The following RASAL3 variants were observed in gnomAD, a reference collection of about 807,000 sequenced individuals.
The protein encoded by RASAL3 is RAS protein activator like-3.
A neutral mutation model predicts 105.5 loss-of-function variants in RASAL3; 74 were observed. The observed-to-expected ratio is 0.70, with a 90% CI of 0.58 to 0.85. The LOEUF is 0.85. RASAL3 is among the 40% of genes least tolerant of loss of function. The pLI is 0.00. For missense variants in RASAL3, 1,352 were observed against 1,392.0 expected (o/e 0.97, Z 0.46); for synonymous variants, 579 against 591.6 (o/e 0.98, Z 0.31).
rs895937097 is a variant in RASAL3 at position 15,456,883 on chromosome 19, C to G, written c.1432-237G>C. ...GGCCCCGCCCCTCACGCGTGATGCT[C>G]AGGCCCCTGTCGCAGCTGAAGCTTA... On this transcript the variant is annotated intron_variant, in intron 9 of 17. Transcript: ENST00000343625. The surrounding 1 kb of genome is among the most constrained non-coding windows in gnomAD (Gnocchi z 4.4). 2 of 581,016 alleles carry G rather than the reference C, an allele frequency of 3.4e-6. No homozygotes were observed. The highest frequency in any genetic ancestry group is 6.1e-6 in the Non-Finnish European group (2 of 328,014). The allele number at this position is 581,016 out of a possible 1,614,324, so 36.0% of individuals were successfully genotyped here. A position where few individuals can be genotyped will look rare whatever the true frequency, so the allele number is the denominator to read the frequency against.
intron 5 of RASAL3, 123 bp from the exon 6 acceptor site, chr19:15,460,381 G>C (rs1970472125): frequency 3.5e-6 from 3 of 852,872 alleles, no homozygotes; most frequent in African/African-American, 1.7e-5. Flanking sequence ...GGCTGTATTA[G>C]CAGGAATAAT....
rs374340432 is a variant in RASAL3 at position 15,453,372 on chromosome 19, G to A, written c.2405C>T (p.Pro802Leu). 280 of 1,452,236 alleles carry A rather than the reference G, an allele frequency of 1.9e-4. No homozygotes were observed. The highest frequency in any genetic ancestry group is 2.3e-4 in the Non-Finnish European group (255 of 1,108,810). The allele number at this position is 1,452,236 out of a possible 1,614,324, so 90.0% of individuals were successfully genotyped here. A position where few individuals can be genotyped will look rare whatever the true frequency, so the allele number is the denominator to read the frequency against. The change falls in exon 15 of 18, where the codon CCG becomes CTG. Residue 802 changes from proline (P) to leucine (L), a missense_variant. Physicochemically the swap from Pro to Leu is moderately conservative, Grantham distance 98 (BLOSUM62 -3). Coordinates refer to ENST00000343625, the MANE Select transcript of RASAL3 (RefSeq NM_022904.3). The surrounding 1 kb of genome is among the most constrained non-coding windows in gnomAD (Gnocchi z 4.2). The stretch of plus-strand genomic sequence containing the variant: ...CCGCCGCAGGGGCCGCTCTTCGTCC[G>A]GCCGTGGCCGGGCCCAACTCTCTGA... ...RRSESWARPR[P>L]DEERPLRRPR...
chr19:15,454,629 C>G (rs748105168), intron 12 of RASAL3, 28 bp downstream of exon 12: 1 of 1,610,952 alleles, frequency 6.2e-7, no homozygotes, highest in South Asian at 1.1e-5. Context: ...CAGCATGGTC[C>G]CCCCACCCCT....
chr19:15,454,656 C>T lies in RASAL3; in HGVS notation c.1958+1G>A, dbSNP rs765433220. 94 of 1,609,606 alleles carry T rather than the reference C, an allele frequency of 5.8e-5. No homozygotes were observed. Among genetic ancestry groups the T allele is most frequent in the Non-Finnish European group, 7.4e-5 (87 of 1,176,868 alleles). On this transcript the variant is annotated splice_donor_variant, in intron 12 of 17. Coordinates refer to ENST00000343625, the MANE Select transcript of RASAL3 (RefSeq NM_022904.3). LOFTEE classifies it high-confidence loss of function. The stretch of plus-strand genomic sequence containing the variant: ...CCCACCCCTAGCTTCCCAGCACCTA[C>T]GGGGCACGGTTGGCGAGGTTCTGGA...
chr19:15,458,068 C>G (rs1970384605), intron 8 of RASAL3: 2 of 634,446 alleles, frequency 3.2e-6, no homozygotes, highest in South Asian at 1.9e-5. Context: ...AAGAGTAGTA[C>G]TGGAGTAAAG....
At position 15,464,373 on chromosome 19, in the gene RASAL3, G is replaced by T. The variant is rs757717404; in HGVS notation, c.-15C>A. On this transcript the variant is annotated 5_prime_UTR_variant, in exon 2 of 18. Transcript: ENST00000343625. ...GGTGGGTCCATGGTTGGGGGGGGGG[G>T]TCTCCTGGGGGACGAGAGAGTGACA... The T allele has an allele frequency of 1.8e-5, 21 of 1,148,644 alleles. No individual in the cohort carries two copies. The highest frequency in any genetic ancestry group is 2.2e-5 in the Non-Finnish European group (17 of 790,450). The allele number at this position is 1,148,644 out of a possible 1,614,324, so 71.2% of individuals were successfully genotyped here.
At chr19:15,462,485 C>T (rs1599753034) in intron 2 of RASAL3, among the ~76,000 whole-genome samples, 1 of 149,380 alleles carries the variant, frequency 6.7e-6, no homozygotes, top group South Asian at 2.1e-4. Context: ...GACTGTGTCT[C>T]AAAACAAAAA....
intron 16 of RASAL3, 86 bp downstream of exon 16, chr19:15,452,572 G>T: frequency 1.8e-6 from 2 of 1,142,838 alleles, no homozygotes; most frequent in South Asian, 3.3e-5. Context: ...GCTAGGCGTG[G>T]TTTGGGGGGG....
In RASAL3 at chr19:15,460,275, G is replaced by T; in HGVS notation, c.607-17C>A. 1 of 1,601,290 alleles carries T rather than the reference G, an allele frequency of 6.2e-7. No individual in the cohort carries two copies. Among genetic ancestry groups the T allele is most frequent in the South Asian group, 1.1e-5 (1 of 88,520 alleles). On this transcript the variant is annotated splice_polypyrimidine_tract_variant and intron_variant, in intron 5 of 17. Transcript: ENST00000343625. The stretch of plus-strand genomic sequence containing the variant: ...GAGCAACCCCTGTGGGGAAGGGAAT[G>T]TCAGCTGGACAGAAATCTGTGCTCC...
chr19:15,452,777 C>G lies in RASAL3; in HGVS notation c.2709G>C (p.Glu903Asp), dbSNP rs746076040. ...ELQCEVAALR[E>D]EQKVLSRLVE... ...CGAGGCGGGACAGCACTTTCTGCTCCTCACGCAGAGCGGCCACCTCGCACT... is the reference window on the plus strand; with the variant it reads ...CGAGGCGGGACAGCACTTTCTGCTCGTCACGCAGAGCGGCCACCTCGCACT... Residue 903 changes from glutamate (E) to aspartate (D), a missense_variant, in exon 16 of 18, where the codon GAG (glutamate) becomes GAC (aspartate). Glu to Asp is a conservative substitution (Grantham distance 45, BLOSUM62 2). This residue lies in a region of RASAL3 where 920 missense variants were observed against 919.6 expected (regional missense o/e 1.00). Transcript: ENST00000343625. 5.3e-5 allele frequency: 83 copies of G among 1,564,604 alleles called. No individual in the cohort carries two copies. Among genetic ancestry groups the G allele is most frequent in the Non-Finnish European group, 6.5e-5 (75 of 1,154,178 alleles).
intron 11 of RASAL3, 56 bp from the exon 12 acceptor site, chr19:15,454,949 A>G: frequency 7.3e-7 from 1 of 1,366,348 alleles, no homozygotes; most frequent in Non-Finnish European, 9.9e-7. Flanking sequence ...CATAAAGGTT[A>G]AAGTCATAAG....
intron 8 of RASAL3, 114 bp downstream of exon 8, chr19:15,458,214 G>A (rs1029825205): frequency 2.2e-6 from 2 of 916,358 alleles, no homozygotes; most frequent in Non-Finnish European, 3.4e-6. Flanking sequence ...ATGCAGGCGG[G>A]GCAGGTGTGT....
At position 15,456,650 on chromosome 19, in the gene RASAL3, G is replaced by A. The variant is rs1252950014; in HGVS notation, c.1432-4C>T. On this transcript the variant is annotated splice_region_variant and splice_polypyrimidine_tract_variant and intron_variant, in intron 9 of 17. Coordinates refer to ENST00000343625, the MANE Select transcript of RASAL3 (RefSeq NM_022904.3). This position sits in a 1 kb window ranked among gnomAD's most constrained non-coding sequence, Gnocchi z 4.4. Reference sequence around the variant, plus strand: ...TGCCCAGGTCAGTCACCAGCGCCTAGGAAGGGCAGGAGGTCAGGTTGCACC... The same window carrying A: ...TGCCCAGGTCAGTCACCAGCGCCTAAGAAGGGCAGGAGGTCAGGTTGCACC... 6.2e-7 allele frequency: 1 copy of A among 1,610,652 alleles called. No individual in the cohort carries two copies. Among genetic ancestry groups the A allele is most frequent in the South Asian group, 1.1e-5 (1 of 90,740 alleles).
chr19:15,464,426 G>A lies in RASAL3; in HGVS notation c.-19-49C>T, dbSNP rs1970617545. On this transcript the variant is annotated intron_variant, in intron 1 of 17. Coordinates refer to ENST00000343625, the MANE Select transcript of RASAL3 (RefSeq NM_022904.3). ...AGTGCCCAGTGTCTGTCCACATACT[G>A]CCCTCATCTCGGCCCCCTCCCCACC... 3.9e-5 allele frequency: 57 copies of A among 1,466,578 alleles called. 2 individuals carry two copies. In the South Asian group the frequency reaches 6.6e-4, roughly 17 times the overall value. The allele number at this position is 1,466,578 out of a possible 1,614,324, so 90.8% of individuals were successfully genotyped here. A position where few individuals can be genotyped will look rare whatever the true frequency, so the allele number is the denominator to read the frequency against.
In RASAL3 at chr19:15,457,445, C is replaced by T. The variant is rs745419233; in HGVS notation, c.1278G>A (p.Val426=). 6.4e-6 allele frequency: 9 copies of T among 1,413,942 alleles called. No homozygotes were observed. In the Admixed American group the frequency reaches 8.7e-5, roughly 14 times the overall value. The allele number at this position is 1,413,942 out of a possible 1,614,324, so 87.6% of individuals were successfully genotyped here. A position where few individuals can be genotyped will look rare whatever the true frequency, so the allele number is the denominator to read the frequency against. The change falls in exon 9 of 18, where the codon GTG becomes GTA. Residue 426 remains valine (V), a synonymous_variant. Coordinates refer to ENST00000343625, the MANE Select transcript of RASAL3 (RefSeq NM_022904.3). This position sits in a 1 kb window ranked among gnomAD's most constrained non-coding sequence, Gnocchi z 8.6. ...GCTCCTTGTAGCGCTCGGACGGCAG[C>T]ACGCGCAGGCGACGCGCCCGAATCC... is the stretch of plus-strand genomic sequence containing the variant. ...RARIRARRLR[V]LPSERYKELA... is the part of the protein sequence containing the mutation.
At position 15,457,726 on chromosome 19, in the gene RASAL3, C is replaced by A; in HGVS notation, c.997G>T (p.Asp333Tyr). The change falls in exon 9 of 18, where the codon GAT becomes TAT. Residue 333 changes from aspartate to tyrosine, a missense_variant. Physicochemically the swap from Asp to Tyr is radical, Grantham distance 160. Around this residue, in one of 3 missense-constraint regions of RASAL3, gnomAD observed 88 missense variants for 132.7 expected, o/e 0.66. Coordinates refer to ENST00000343625, the MANE Select transcript of RASAL3 (RefSeq NM_022904.3). The surrounding 1 kb of genome is among the most constrained non-coding windows in gnomAD (Gnocchi z 8.6). ...APGVRAELWL[D>Y]GALLARTAPR... is the part of the protein sequence containing the mutation. ...GCCGTGCGTGCCAGCAGCGCGCCAT[C>A]CAGCCACAGCTCGGCGCGCACGCCG... The A allele has an allele frequency of 6.6e-7, 1 of 1,525,446 alleles. No homozygotes were observed. Among genetic ancestry groups the A allele is most frequent in the Non-Finnish European group, 8.8e-7 (1 of 1,137,190 alleles). The allele number at this position is 1,525,446 out of a possible 1,614,324, so 94.5% of individuals were successfully genotyped here. A position where few individuals can be genotyped will look rare whatever the true frequency, so the allele number is the denominator to read the frequency against.
rs922766298 is a variant in RASAL3 at position 15,457,863 on chromosome 19, C to A, written c.889-29G>T. The A allele has an allele frequency of 3.2e-6, 5 of 1,544,560 alleles. No individual in the cohort carries two copies. The South Asian group carries it at 4.8e-5, about 15-fold the overall frequency. On this transcript the variant is annotated intron_variant, in intron 8 of 17. Coordinates refer to ENST00000343625, the MANE Select transcript of RASAL3 (RefSeq NM_022904.3). This position sits in a 1 kb window ranked among gnomAD's most constrained non-coding sequence, Gnocchi z 8.6. ...CAGATGGGAGTGGGATGGGGGGAAGCGTTTTGGTTTGTTGGCACCCCAAAG... is the reference window on the plus strand; with the variant it reads ...CAGATGGGAGTGGGATGGGGGGAAGAGTTTTGGTTTGTTGGCACCCCAAAG...
At position 15,451,923 on chromosome 19, in the gene RASAL3, C is replaced by T. The variant is rs745541793; in HGVS notation, c.2908G>A (p.Glu970Lys). 3.1e-6 allele frequency: 5 copies of T among 1,610,126 alleles called. No homozygotes were observed. Among genetic ancestry groups the T allele is most frequent in the African/African-American group, 1.3e-5 (1 of 75,004 alleles). ...SLKNLEHRLNEMERTQAQLRD... is the reference protein window; with the variant it reads ...SLKNLEHRLNKMERTQAQLRD... ...AGCTGAGCCTGAGTTCTCTCCATCT[C>T]ATTTAGGCGGTGCTCCTGGGGAGGC... Residue 970 changes from glutamate (E) to lysine (K), a missense_variant, in exon 18 of 18, where the codon GAG becomes AAG. This residue lies in a region of RASAL3 where 920 missense variants were observed against 919.6 expected (regional missense o/e 1.00). Coordinates refer to ENST00000343625, the MANE Select transcript of RASAL3 (RefSeq NM_022904.3).
intron 5 of RASAL3, 139 bp downstream of exon 5, chr19:15,460,921 A>T (rs2145486264): frequency 1.3e-6 from 1 of 753,998 alleles, no homozygotes; most frequent in East Asian, 2.7e-5. Context: ...CATTAGCTTC[A>T]TTTGACAGAC....
Sources: allele counts gnomAD v4.1 joint callset (sites outside exome capture counted in the v4.1 genomes callset), GRCh38; gene constraint gnomAD v4.1.1; regional missense constraint gnomAD v4.1.1; non-coding constraint Gnocchi (gnomAD v3.1); transcripts MANE v1.5; gene names NCBI Gene and HGNC (gene_info 2026-07-23, HGNC 2026-07-21).